PTPRG: variants seen among roughly 807,000 people sequenced by gnomAD.
PTPRG encodes the protein receptor-type tyrosine-protein phosphatase gamma.
PTPRG carries 102 observed loss-of-function variants against 165.3 expected under a neutral mutation model. That is an observed-to-expected ratio of 0.62 (90% CI 0.53 to 0.73). PTPRG has a LOEUF of 0.73. Among genes scored for constraint, PTPRG ranks in the 30% least tolerant of loss-of-function variants. The pLI is 0.00. For missense variants in PTPRG, 1,866 were observed against 1,861.4 expected (o/e 1.00, Z -0.05); for synonymous variants, 675 against 669.5 (o/e 1.01, Z -0.13).
chr3:61,716,381 A>G (rs936111805), intron 1 of PTPRG, among the ~76,000 whole-genome samples: 4 of 152,224 alleles, frequency 2.6e-5, no homozygotes, highest in African/African-American at 9.6e-5. Flanking sequence ...ATTTCTTATT[A>G]CAAAGCAAAG....
intron 3 of PTPRG, among the ~76,000 whole-genome samples, chr3:62,000,004 TC>T (rs1193443594): frequency 2.0e-5 from 3 of 151,864 alleles, no homozygotes; most frequent in South Asian, 2.1e-4. Flanking sequence ...ACTTAAGATC[TC>T]CCCCCCAGGC....
At chr3:61,799,011 G>A (rs116853666) in intron 2 of PTPRG, among the ~76,000 whole-genome samples, 1 of 151,612 alleles carries the variant, frequency 6.6e-6, no homozygotes, top group African/African-American at 2.4e-5. Flanking sequence ...ACCTGTTAGG[G>A]ACATAAACAT....
In PTPRG at chr3:61,724,643, A is replaced by T. The variant is rs9822656; in HGVS notation, c.86-24235A>T. 2.2e-3 allele frequency among the ~76,000 whole-genome samples: 332 copies of T among 152,090 alleles called. 2 individuals carry two copies. The highest frequency in any genetic ancestry group is 7.9e-3 in the African/African-American group (326 of 41,492). ...GATCCAGTTTTTTTGCATCCACCCC[A>T]GCAGCTTTTGGTATTACCACTATTT... is the stretch of plus-strand genomic sequence containing the variant. On this transcript the variant is annotated intron_variant, in intron 1 of 29. Transcript: ENST00000474889.
intron 4 of PTPRG, among the ~76,000 whole-genome samples, chr3:62,062,342 CTGT>C (rs1360762034): frequency 6.6e-6 from 1 of 152,046 alleles, no homozygotes; most frequent in Non-Finnish European, 1.5e-5. Flanking sequence ...GCAGGATGAA[CTGT>C]TGTTTGATAA....
chr3:61,818,889 G>GA (rs762052813), intron 2 of PTPRG, among the ~76,000 whole-genome samples: 1 of 133,100 alleles, frequency 7.5e-6, no homozygotes, highest in South Asian at 2.5e-4. Flanking sequence ...GTGAAATAGT[G>GA]AATAGTGAAA....
rs370054479 is a variant in PTPRG, at chr3:62,038,692, G to A, written c.519+35195G>A. Among the ~76,000 whole-genome samples, 174 of 152,212 alleles carry A rather than the reference G, an allele frequency of 1.1e-3. 1 individual carries two copies. Among genetic ancestry groups the A allele is most frequent in the African/African-American group, 3.9e-3 (161 of 41,552 alleles). On this transcript the variant is annotated intron_variant, in intron 4 of 29. Transcript: ENST00000474889. ...ATTACAGGTGTCAGACACCTTGCCCGGCCATGCTTTGTTTCTTAATGACCG... is the reference window on the plus strand; with the variant it reads ...ATTACAGGTGTCAGACACCTTGCCCAGCCATGCTTTGTTTCTTAATGACCG...
intron 26 of PTPRG, among the ~76,000 whole-genome samples, chr3:62,279,372 T>A (rs1702349522): frequency 6.6e-6 from 1 of 152,132 alleles, no homozygotes; most frequent in African/African-American, 2.4e-5. Context: ...TTTCTACCTT[T>A]CTTCTACCAT....
At chr3:61,688,512 A>C (rs187069413) in intron 1 of PTPRG, among the ~76,000 whole-genome samples, 23 of 152,310 alleles carry the variant, frequency 1.5e-4, no homozygotes, top group Admixed American at 1.4e-3. Context: ...GTCGGTGATT[A>C]GTTGCACGGC....
intron 2 of PTPRG, among the ~76,000 whole-genome samples, chr3:61,858,794 G>A (rs995612721): frequency 2.0e-5 from 3 of 152,134 alleles, no homozygotes; most frequent in African/African-American, 4.8e-5. Flanking sequence ...GCCTCAGTGT[G>A]TATTTGGAGA....
intron 5 of PTPRG, chr3:62,124,271 A>G (rs1372261006): frequency 3.3e-6 from 5 of 1,495,604 alleles, no homozygotes; most frequent in Admixed American, 3.3e-5. Context: ...CTGCAAGGAC[A>G]GGATGCTGAT....
chr3:61,906,325 G>A (rs1055864969), intron 2 of PTPRG, among the ~76,000 whole-genome samples: 1 of 151,856 alleles, frequency 6.6e-6, no homozygotes, highest in East Asian at 1.9e-4. Context: ...GTGTGATGGT[G>A]TGCACCTTTA....
chr3:61,778,285 G>A (rs1394253770), intron 2 of PTPRG, among the ~76,000 whole-genome samples: 1 of 152,108 alleles, frequency 6.6e-6, no homozygotes, highest in Non-Finnish European at 1.5e-5. Flanking sequence ...GGATCCACAT[G>A]CCCCCTAGAG....
chr3:61,893,101 G>A (rs1431311651), intron 2 of PTPRG, among the ~76,000 whole-genome samples: 2 of 152,176 alleles, frequency 1.3e-5, no homozygotes, highest in Non-Finnish European at 2.9e-5. Context: ...CTGATGAGGT[G>A]CAGATGAATG....
intron 2 of PTPRG, among the ~76,000 whole-genome samples, chr3:61,761,064 C>T (rs978982458): frequency 6.6e-6 from 1 of 152,144 alleles, no homozygotes; most frequent in Non-Finnish European, 1.5e-5. Flanking sequence ...TGAACATAGG[C>T]ATGCATGTAT....
intron 2 of PTPRG, among the ~76,000 whole-genome samples, chr3:61,754,056 A>G (rs1192583594): frequency 3.9e-5 from 6 of 152,078 alleles, no homozygotes; most frequent in Non-Finnish European, 8.8e-5. Context: ...TCCCCTGTGT[A>G]GAAATAGCTT....
At chr3:62,160,961 A>G (rs1704737312) in intron 7 of PTPRG, among the ~76,000 whole-genome samples, 1 of 151,222 alleles carries the variant, frequency 6.6e-6, no homozygotes, top group Non-Finnish European at 1.5e-5. Context: ...TCTGTGAGAA[A>G]CAGTAGAGCA....
At chr3:62,204,728 C>T (rs1310112162) in intron 12 of PTPRG, among the ~76,000 whole-genome samples, 1 of 152,138 alleles carries the variant, frequency 6.6e-6, no homozygotes, top group African/African-American at 2.4e-5. Context: ...GAAATACGGC[C>T]CTCTCTCCCA....
chr3:61,649,176 C>G (rs1702283289), intron 1 of PTPRG, among the ~76,000 whole-genome samples: 1 of 151,172 alleles, frequency 6.6e-6, no homozygotes, highest in Non-Finnish European at 1.5e-5. Context: ...TCCCTCCCTC[C>G]TTCCTTCCTT....
chr3:61,777,986 A>G (rs1037468561), intron 2 of PTPRG, among the ~76,000 whole-genome samples: 5 of 152,182 alleles, frequency 3.3e-5, no homozygotes, highest in Admixed American at 6.5e-5. Flanking sequence ...GCCTAGTACA[A>G]TACGTGCCAT....
Sources: gnomAD v4.1 joint callset for allele counts (sites outside exome capture counted in the v4.1 genomes callset) on GRCh38, gnomAD v4.1.1 for gene constraint, MANE v1.5 for transcripts, NCBI Gene and HGNC (gene_info 2026-07-23, HGNC 2026-07-21) for gene names.